CRAMP1: variants seen among roughly 807,000 people sequenced by gnomAD.
The protein encoded by CRAMP1 is protein cramped-like.
Under a neutral mutation model 115.4 loss-of-function variants are expected in CRAMP1, and 50 were observed. The observed-to-expected ratio is 0.43, with a 90% CI of 0.35 to 0.55. The LOEUF (loss-of-function observed/expected upper bound fraction) is 0.55, where lower values mean the gene tolerates loss of function less well. Ranked by LOEUF, CRAMP1 falls within the 20% of genes least tolerant of loss-of-function variation. The pLI is 0.01. For synonymous variants in CRAMP1, 866 were observed against 745.4 expected, an observed-to-expected ratio of 1.16 and a Z score of -2.64; for missense variants, 1,679 against 1,721.7, an observed-to-expected ratio of 0.98 and a Z score of 0.44.
intron 6 of CRAMP1, chr16:1,647,205 T>C (rs898586876): frequency 3.3e-6 from 2 of 606,340 alleles, no homozygotes; most frequent in Non-Finnish European, 5.9e-6. Context: ...GTTTTAGAAT[T>C]GTAAAATTAA....
At chr16:1,664,773 C>A (rs935336835) in intron 13 of CRAMP1, among the ~76,000 whole-genome samples, 1 of 148,330 alleles carries the variant, frequency 6.7e-6, no homozygotes, top group Non-Finnish European at 1.5e-5. Flanking sequence ...AGCAAGACAC[C>A]GTCTCAAAAA....
At chr16:1,635,536 C>A (rs368079310) in intron 4 of CRAMP1, among the ~76,000 whole-genome samples, 2 of 152,208 alleles carry the variant, frequency 1.3e-5, no homozygotes, top group Non-Finnish European at 2.9e-5. Context: ...GGACACCTCC[C>A]GGAAGCCCTG....
chr16:1,623,702 G>C (rs770916602), intron 2 of CRAMP1, among the ~76,000 whole-genome samples: 21 of 152,202 alleles, frequency 1.4e-4, no homozygotes, highest in Non-Finnish European at 2.8e-4. Context: ...GTGACTCCAC[G>C]TGAGGAATCC....
At chr16:1,630,914 G>A (rs1362537593) in intron 3 of CRAMP1, among the ~76,000 whole-genome samples, 2 of 152,206 alleles carry the variant, frequency 1.3e-5, no homozygotes, top group Admixed American at 1.3e-4. Flanking sequence ...GGCGGCCCGT[G>A]GTGTTCTTTC....
chr16:1,614,853 C>G lies in CRAMP1; in HGVS notation c.214C>G (p.Pro72Ala). The change falls in exon 2 of 21, where the codon CCG becomes GCG. Residue 72 changes from proline to alanine, a missense_variant. By Grantham distance (27) the Pro-to-Ala change is conservative (BLOSUM62 -1). Coordinates refer to ENST00000397412, the MANE Select transcript of CRAMP1 (RefSeq NM_020825.4). The surrounding 1 kb of genome is among the most constrained non-coding windows in gnomAD (Gnocchi z 4.4). ...PPGAPQAPSP[P>A]QGSPQDQHHF... ...CGGCGCGCCGCAGGCGCCGTCCCCG[C>G]CGCAGGGCAGCCCCCAGGACCAGCA... The G allele has an allele frequency of 7.7e-7, 1 of 1,301,852 alleles. No individual in the cohort carries two copies. Among genetic ancestry groups the G allele is most frequent in the Admixed American group, 3.6e-5 (1 of 27,704 alleles). The allele number at this position is 1,301,852 out of a possible 1,614,324, so 80.6% of individuals were successfully genotyped here. A position where few individuals can be genotyped will look rare whatever the true frequency, so the allele number is the denominator to read the frequency against.
chr16:1,659,896 C>G lies in CRAMP1; in HGVS notation c.2246C>G (p.Ala749Gly), dbSNP rs1372860898. The G allele has an allele frequency of 1.2e-6, 2 of 1,613,334 alleles. No individual in the cohort carries two copies. The highest frequency in any genetic ancestry group is 1.7e-6 in the Non-Finnish European group (2 of 1,179,808). ...TEVNPKLALE[A>G]NTISTASVRP... ...CCATTTCTGTCCTAGGCTCTGGAAG[C>G]AAACACCATCTCTACAGCCTCAGTA... Residue 749 changes from alanine (A) to glycine (G), a missense_variant, in exon 11 of 21, where the codon GCA (alanine) becomes GGA (glycine). Ala to Gly is a moderately conservative substitution (Grantham distance 60). This residue lies in a region of CRAMP1 where 709 missense variants were observed against 741.9 expected (regional missense o/e 0.96). Coordinates refer to ENST00000397412, the MANE Select transcript of CRAMP1 (RefSeq NM_020825.4).
chr16:1,621,085 T>C (rs1403910093), intron 2 of CRAMP1, among the ~76,000 whole-genome samples: 2 of 152,248 alleles, frequency 1.3e-5, no homozygotes, highest in Non-Finnish European at 2.9e-5. Context: ...CCAGGCCTGC[T>C]GGGCACTGAG....
intron 4 of CRAMP1, among the ~76,000 whole-genome samples, chr16:1,635,690 G>T (rs775665621): frequency 6.6e-6 from 1 of 152,142 alleles, no homozygotes; most frequent in Non-Finnish European, 1.5e-5. Context: ...TTAGAAATGG[G>T]GATATTATTC....
At chr16:1,661,070 C>T (rs1476154483) in intron 11 of CRAMP1, among the ~76,000 whole-genome samples, 1 of 152,140 alleles carries the variant, frequency 6.6e-6, no homozygotes, top group Non-Finnish European at 1.5e-5. Context: ...TGGCTCATGC[C>T]TATAATCCCA....
Position 1,655,959 on chromosome 16 carries a change from G to T in CRAMP1, c.1202G>T (p.Gly401Val). ...AAGGTGACACTGCACTTGTTCCCAG[G>T]CGAGAACTGTACACTGACACCGCTG... ...QEKVTLHLFPGENCTLTPLPG... is the reference protein window; with the variant it reads ...QEKVTLHLFPVENCTLTPLPG... The change falls in exon 10 of 21, where the codon GGC (glycine) becomes GTC (valine). Residue 401 changes from glycine to valine, a missense_variant. Transcript: ENST00000397412. 1 of 1,613,136 alleles carries T rather than the reference G, an allele frequency of 6.2e-7. No homozygotes were observed. The highest frequency in any genetic ancestry group is 8.5e-7 in the Non-Finnish European group (1 of 1,179,898).
intron 8 of CRAMP1, among the ~76,000 whole-genome samples, chr16:1,653,531 A>G (rs1344121574): frequency 1.3e-5 from 2 of 152,204 alleles, no homozygotes; most frequent in Admixed American, 6.5e-5. Flanking sequence ...TCATTTGTAC[A>G]TTTTAAAAAA....
In CRAMP1 at chr16:1,655,250, A is replaced by G. The variant is rs1459397436; in HGVS notation, c.1069A>G (p.Ser357Gly). Reference protein sequence around the residue: ...MIVELHRKVSSLIEFLKQKWA... With the variant: ...MIVELHRKVSGLIEFLKQKWA... ...CGTGGAGCTACATCGAAAGGTCTCC[A>G]GCCTCATCGAATTCTTGAAGCAGAA... Residue 357 changes from serine to glycine, a missense_variant, in exon 9 of 21, where the codon AGC becomes GGC. Coordinates refer to ENST00000397412, the MANE Select transcript of CRAMP1 (RefSeq NM_020825.4). The G allele has an allele frequency of 3.1e-6, 5 of 1,613,978 alleles. No homozygotes were observed. The South Asian group carries it at 4.4e-5, about 14-fold the overall frequency.
intron 3 of CRAMP1, among the ~76,000 whole-genome samples, chr16:1,631,336 T>C (rs2036546897): frequency 6.6e-6 from 1 of 152,246 alleles, no homozygotes; most frequent in Non-Finnish European, 1.5e-5. Flanking sequence ...GGGAGCCTCA[T>C]GCTGGCTCCT....
At chr16:1,628,153 ATAAT>A (rs1467729381) in intron 3 of CRAMP1, among the ~76,000 whole-genome samples, 3 of 152,236 alleles carry the variant, frequency 2.0e-5, no homozygotes, top group African/African-American at 7.2e-5. Context: ...ATTAGTAATA[ATAAT>A]TAATAGTTGG....
Position 1,656,858 on chromosome 16 carries a change from C to T in CRAMP1, c.2101C>T (p.Leu701=), listed in dbSNP as rs1358375030. The part of the protein sequence containing the change: ...VYLMMGKPSK[L]QLEYDWLGPG... The stretch of plus-strand genomic sequence containing the variant: ...CCTCATGATGGGCAAGCCCAGCAAG[C>T]TGCAGCTGGAGTACGACTGGCTGGG... Residue 701 remains leucine, a synonymous_variant, in exon 10 of 21, where the codon CTG becomes TTG. Transcript: ENST00000397412. The surrounding 1 kb of genome is among the most constrained non-coding windows in gnomAD (Gnocchi z 5.6). 2 of 1,551,316 alleles carry T rather than the reference C, an allele frequency of 1.3e-6. No individual in the cohort carries two copies. The highest frequency in any genetic ancestry group is 1.4e-5 in the African/African-American group (1 of 73,116).
At chr16:1,644,778 C>A (rs1269078927) in intron 6 of CRAMP1, among the ~76,000 whole-genome samples, 1 of 152,164 alleles carries the variant, frequency 6.6e-6, no homozygotes, top group African/African-American at 2.4e-5. Flanking sequence ...GCCCCTCGTT[C>A]TGGGTAAAAC....
At chr16:1,640,627 C>T (rs901844626) in intron 5 of CRAMP1, among the ~76,000 whole-genome samples, 8 of 152,178 alleles carry the variant, frequency 5.3e-5, no homozygotes, top group Non-Finnish European at 1.2e-4. Flanking sequence ...GGAAATGGGG[C>T]GTCTGCTCCA....
chr16:1,665,330 C>T (rs915540143), intron 14 of CRAMP1, among the ~76,000 whole-genome samples, 192 bp downstream of exon 14: 1 of 152,206 alleles, frequency 6.6e-6, no homozygotes, highest in African/African-American at 2.4e-5. Context: ...GCTAGTCCAG[C>T]GAGGCAGCTA....
Position 1,669,217 on chromosome 16 carries a change from G to T in CRAMP1, c.3499+52G>T. ...TCCTTTTCCAGGGCAGCAGGGGCTG[G>T]GGTCTGCGGGACACTGGATTCTCAT... On this transcript the variant is annotated intron_variant, in intron 19 of 20. Coordinates refer to ENST00000397412, the MANE Select transcript of CRAMP1 (RefSeq NM_020825.4). The surrounding 1 kb of genome is among the most constrained non-coding windows in gnomAD (Gnocchi z 4.6). 2.1e-6 allele frequency: 3 copies of T among 1,397,846 alleles called. No individual in the cohort carries two copies. The highest frequency in any genetic ancestry group is 2.9e-6 in the Non-Finnish European group (3 of 1,038,638). The allele number at this position is 1,397,846 out of a possible 1,614,324, so 86.6% of individuals were successfully genotyped here.
Sources: gnomAD v4.1 joint callset for allele counts (sites outside exome capture counted in the v4.1 genomes callset) on GRCh38, gnomAD v4.1.1 for gene constraint, gnomAD v4.1.1 regional missense constraint, Gnocchi (gnomAD v3.1) non-coding constraint, MANE v1.5 for transcripts, NCBI Gene and HGNC (gene_info 2026-07-23, HGNC 2026-07-21) for gene names.